KDM5C: variants seen among roughly 807,000 people sequenced by gnomAD.
KDM5C encodes lysine demethylase 5C, also known as lysine-specific demethylase 5C.
A neutral mutation model predicts 110.6 loss-of-function variants in KDM5C; 16 were observed. That is an observed-to-expected ratio of 0.14 (90% confidence interval 0.10 to 0.22). KDM5C has a LOEUF of 0.22. KDM5C is among the 10% of genes least tolerant of loss of function. The pLI, the probability that KDM5C is intolerant of heterozygous loss-of-function variation, is 1.00. For missense variants in KDM5C, 681 were observed against 1,300.9 expected, an observed-to-expected ratio of 0.52 and a Z score of 7.33; for synonymous variants, 511 against 520.4, an observed-to-expected ratio of 0.98 and a Z score of 0.24.
downstream of KDM5C, chrX:53,191,447 G>A (rs782151078): frequency 1.7e-5 from 3 of 173,148 alleles, no homozygotes; most frequent in East Asian, 8.1e-5. Flanking sequence ...ATTTTTTTTC[G>A]AATGATGGCT....
Position 53,218,349 on chromosome X carries a change from C to G in KDM5C, c.278G>C (p.Trp93Ser). 8.3e-7 allele frequency: 1 copy of G among 1,210,692 alleles called. No homozygotes were observed. The highest frequency in any genetic ancestry group is 1.1e-6 in the Non-Finnish European group (1 of 894,702). ...CTTTAAGGAGGAGCCCTGGATTTCC[C>G]AGAATTTGGCAATCTGGTCCAAGTA... is the stretch of plus-strand genomic sequence containing the variant. ...LNYLDQIAKFWEIQGSSLKIP... is the reference protein window; with the variant it reads ...LNYLDQIAKFSEIQGSSLKIP... The change falls in exon 3 of 26, where the codon TGG becomes TCG. Residue 93 changes from tryptophan to serine, a missense_variant. By Grantham distance (177) the Trp-to-Ser change is radical. Around this residue, in one of 14 missense-constraint regions of KDM5C, gnomAD observed 55 missense variants for 118.0 expected, o/e 0.47. Transcript: ENST00000375401.
chrX:53,196,850 G>A lies in KDM5C; in HGVS notation c.2817C>T (p.Ala939=), dbSNP rs1179421011. ...RWLDEVKRTL[A]PSARRGTLAV... is the part of the protein sequence containing the mutation. ...CCAAGGTGCCCCTTCGGGCTGAGGG[G>A]GCCAGTGTGCGTTTCACCTCATCCA... The change falls in exon 19 of 26, where the codon GCC becomes GCT. Residue 939 remains alanine, a synonymous_variant. Coordinates refer to ENST00000375401, the MANE Select transcript of KDM5C (RefSeq NM_004187.5). 40 of 1,207,013 alleles carry A rather than the reference G, an allele frequency of 3.3e-5. No homozygotes were observed. Among genetic ancestry groups the A allele is most frequent in the Non-Finnish European group, 4.3e-5 (38 of 893,137 alleles).
chrX:53,191,907 T>C (rs782618291), downstream of KDM5C: 54 of 172,733 alleles, frequency 3.1e-4, no homozygotes, highest in Non-Finnish European at 8.8e-5. Context: ...CTGGGGGAGG[T>C]TGTAGTGTAG....
At chrX:53,186,661 G>C (rs781805543), downstream of KDM5C, among the ~76,000 whole-genome samples, 2 of 112,294 alleles carry the variant, frequency 1.8e-5, no homozygotes, top group Middle Eastern at 4.6e-3. Context: ...ATTCCAGCTT[G>C]GTTTATACAT....
Position 53,193,126 on chromosome X carries a change from AG to A in KDM5C, c.4523del (p.Pro1508LeufsTer36), listed in dbSNP as rs2146811966. On this transcript the variant is annotated frameshift_variant, in exon 26 of 26. Coordinates refer to ENST00000375401, the MANE Select transcript of KDM5C (RefSeq NM_004187.5). LOFTEE classifies it high-confidence loss of function. ...LEEETGGEGP[P>X]APIPTTGSPS... ...GGCTGCCAGTGGTGGGGATGGGTGC[AG>A]GGGGGCCCTCACCCCCAGTCTCCTC... is the stretch of plus-strand genomic sequence containing the variant. The A allele has an allele frequency of 8.3e-7, 1 of 1,209,876 alleles. No homozygotes were observed. Among genetic ancestry groups the A allele is most frequent in the Non-Finnish European group, 1.1e-6 (1 of 894,674 alleles).
chrX:53,205,720 CTGTCCAGCACTCAGCTA>C (rs1368822370), intron 12 of KDM5C, among the ~76,000 whole-genome samples: 1 of 112,259 alleles, frequency 8.9e-6, no homozygotes, highest in Non-Finnish European at 1.9e-5. Context: ...ATTTACTCCT[CTGTCCAGCACTCAGCTA>C]TGCATACACA....
At chrX:53,216,391 A>C (rs1556851905) in intron 5 of KDM5C, among the ~76,000 whole-genome samples, 194 bp from the exon 6 acceptor site, 1 of 112,156 alleles carries the variant, frequency 8.9e-6, no homozygotes, top group Non-Finnish European at 1.9e-5. Flanking sequence ...CCTCTCTCAG[A>C]AAGGAATAAA....
At chrX:53,210,599 C>T in intron 11 of KDM5C, 23 bp from the exon 12 acceptor site, 1 of 1,211,935 alleles carries the variant, frequency 8.3e-7, no homozygotes. Flanking sequence ...AAAAGGGACA[C>T]ACACAGTAAA....
At chrX:53,177,490 T>C (rs782433473) in intron 25 of KDM5C, among the ~76,000 whole-genome samples, 4 of 112,837 alleles carry the variant, frequency 3.5e-5, no homozygotes, top group Admixed American at 1.9e-4. Flanking sequence ...TAAGGAATGA[T>C]TGTGAATTGT....
downstream of KDM5C, among the ~76,000 whole-genome samples, chrX:53,187,964 G>C (rs1235874044): frequency 1.8e-5 from 2 of 109,348 alleles, no homozygotes; most frequent in Admixed American, 9.8e-5. Flanking sequence ...GGATGGTCTC[G>C]ATCTCCTGAC....
rs1272857046 is a variant in KDM5C at position 53,225,197 on chromosome X, C to T, written c.-308G>A. 2.8e-6 allele frequency: 1 copy of T among 359,551 alleles called. No individual in the cohort carries two copies. The highest frequency in any genetic ancestry group is 4.8e-6 in the Non-Finnish European group (1 of 207,979). 29.6% of individuals were successfully genotyped at this position (359,551 alleles called of 1,213,427 possible). ...CGGCCTTCAGCGCCGCCGCCGCCAT[C>T]TTGGTTTGTCAGCGTCTCCCCTCCC... On this transcript the variant is annotated 5_prime_UTR_variant, in exon 1 of 26. Coordinates refer to ENST00000375401, the MANE Select transcript of KDM5C (RefSeq NM_004187.5).
chrX:53,224,597 T>C (rs1223141697), intron 1 of KDM5C, 143 bp downstream of exon 1: 13 of 768,086 alleles, frequency 1.7e-5, no homozygotes, highest in Non-Finnish European at 2.5e-5. Flanking sequence ...CCAACACCCT[T>C]TTTCCGATCC....
intron 14 of KDM5C, among the ~76,000 whole-genome samples, chrX:53,200,715 G>C (rs1004984297): frequency 6.2e-5 from 7 of 112,192 alleles, no homozygotes; most frequent in Non-Finnish European, 1.3e-4. Flanking sequence ...GGATCCCACA[G>C]AACCAGCACT....
intron 5 of KDM5C, 119 bp from the exon 6 acceptor site, chrX:53,216,316 TG>T: frequency 9.7e-7 from 1 of 1,035,057 alleles, no homozygotes; most frequent in Non-Finnish European, 1.3e-6. Context: ...GAGGCACAGA[TG>T]GGCTAAGCCA....
At chrX:53,181,591 G>GCA (rs1380931143) in intron 25 of KDM5C, among the ~76,000 whole-genome samples, 1 of 93,002 alleles carries the variant, frequency 1.1e-5, no homozygotes, top group Non-Finnish European at 2.0e-5. Context: ...TGAGGAGAAA[G>GCA]CACACACACA....
Position 53,193,818 on chromosome X carries a change from T to C in KDM5C, c.4072A>G (p.Thr1358Ala). 2 of 1,210,943 alleles carry C rather than the reference T, an allele frequency of 1.7e-6. No individual in the cohort carries two copies. Among genetic ancestry groups the C allele is most frequent in the African/African-American group, 1.7e-5 (1 of 57,712 alleles). The change falls in exon 24 of 26, where the codon ACC becomes GCC. Residue 1358 changes from threonine to alanine, a missense_variant. Physicochemically the swap from Thr to Ala is moderately conservative, Grantham distance 58. This residue lies in a region of KDM5C where 88 missense variants were observed against 85.6 expected (regional missense o/e 1.03). Transcript: ENST00000375401. ...TCCGGGGCTACCTTCTCAGGACTGG[T>C]CACACTGTCTCCATTCTCCAGTAAG... ...QGLLENGDSV[T>A]SPEKVAPEEG...
intron 23 of KDM5C, 89 bp downstream of exon 23, chrX:53,194,050 T>C (rs1209545021): frequency 1.8e-6 from 2 of 1,115,964 alleles, no homozygotes; most frequent in East Asian, 3.3e-5. Context: ...AAACTGAAAA[T>C]TGGAGAACAA....
intron 5 of KDM5C, 143 bp downstream of exon 5, chrX:53,217,000 G>T: frequency 1.3e-6 from 1 of 746,022 alleles, no homozygotes; most frequent in Non-Finnish European, 2.0e-6. Context: ...CAAGAGTGAA[G>T]CCAGAGAGAG....
At chrX:53,187,738 A>G (rs1396425453), downstream of KDM5C, among the ~76,000 whole-genome samples, 1 of 99,614 alleles carries the variant, frequency 1.0e-5, no homozygotes, top group Non-Finnish European at 2.0e-5. Flanking sequence ...TCGTCTCTAT[A>G]ACAAAATAAA....
Sources: gnomAD v4.1 joint callset for allele counts (sites outside exome capture counted in the v4.1 genomes callset) on GRCh38, gnomAD v4.1.1 for gene constraint, gnomAD v4.1.1 regional missense constraint, MANE v1.5 for transcripts, NCBI Gene and HGNC (gene_info 2026-07-23, HGNC 2026-07-21) for gene names.